The following TASP1 variants were observed in gnomAD, a reference collection of about 807,000 sequenced individuals.
TASP1 encodes threonine aspartase 1.
In TASP1, 16 loss-of-function variants were observed where a neutral mutation model predicts 56.6. The ratio of observed to expected loss-of-function variants is 0.28; its 90% CI spans 0.19 to 0.43. TASP1 has a LOEUF of 0.43. TASP1 is among the 20% of genes least tolerant of loss of function. TASP1 has a pLI of 1.00. For synonymous variants in TASP1, 179 were observed against 184.2 expected (o/e 0.97, Z 0.23); for missense variants, 393 against 511.6 (o/e 0.77, Z 2.24).
chr20:13,345,055 A>G, the TASP1 span, among the ~76,000 whole-genome samples: 1 of 152,188 alleles, frequency 6.6e-6, no homozygotes, highest in South Asian at 2.1e-4. Context: ...CACATTCACT[A>G]GGCTGGATGC....
chr20:13,274,420 C>G, the TASP1 span, among the ~76,000 whole-genome samples: 2 of 152,198 alleles, frequency 1.3e-5, no homozygotes, highest in African/African-American at 4.8e-5. Context: ...TCAGCTTCCG[C>G]TGCCAGGGCT....
At chr20:13,159,928 TC>T in the TASP1 span, 2 of 1,447,178 alleles carry the variant, frequency 1.4e-6, no homozygotes, top group South Asian at 3.2e-5. Flanking sequence ...TTAGCCATAT[TC>T]CTTTTTTGTC....
intron 4 of TASP1, among the ~76,000 whole-genome samples, chr20:13,602,847 A>C (rs2048012693): frequency 6.6e-6 from 1 of 152,156 alleles, no homozygotes; most frequent in Non-Finnish European, 1.5e-5. Context: ...GACTGATACC[A>C]GTCTGAGGCC....
chr20:13,426,108 A>G (rs1281441005), intron 12 of TASP1, among the ~76,000 whole-genome samples: 1 of 152,204 alleles, frequency 6.6e-6, no homozygotes, highest in East Asian at 1.9e-4. Context: ...AATAGTAACA[A>G]AAGTCCTGGA....
chr20:13,616,757 T>C (rs144546721), intron 4 of TASP1: 26 of 200,542 alleles, frequency 1.3e-4, no homozygotes, highest in African/African-American at 4.5e-4. Flanking sequence ...GATGTATCTA[T>C]GTGTAAACAC....
chr20:13,247,358 T>A, the TASP1 span, among the ~76,000 whole-genome samples: 1 of 152,218 alleles, frequency 6.6e-6, no homozygotes, highest in Admixed American at 6.5e-5. Context: ...TGTCTTTAAG[T>A]GTCAGCGTGT....
At chr20:13,589,997 CGAGGCAGGCAGATCACTT>C (rs2047461091) in intron 4 of TASP1, among the ~76,000 whole-genome samples, 1 of 152,010 alleles carries the variant, frequency 6.6e-6, no homozygotes, top group Non-Finnish European at 1.5e-5. Context: ...TTTGGGAGGC[CGAGGCAGGCAGATCACTT>C]GAGGCCAGGA....
the TASP1 span, among the ~76,000 whole-genome samples, chr20:13,148,936 A>C: frequency 6.6e-6 from 1 of 152,076 alleles, no homozygotes; most frequent in African/African-American, 2.4e-5. Context: ...TTCCCACATT[A>C]ATTTCTTGAT....
the TASP1 span, among the ~76,000 whole-genome samples, chr20:13,305,425 C>G: frequency 6.6e-6 from 1 of 152,114 alleles, no homozygotes; most frequent in Non-Finnish European, 1.5e-5. Flanking sequence ...AATTCCATCC[C>G]GACACACAAA....
intron 13 of TASP1, among the ~76,000 whole-genome samples, chr20:13,411,592 T>C (rs776828187): frequency 1.3e-5 from 2 of 152,208 alleles, no homozygotes; most frequent in Non-Finnish European, 2.9e-5. Context: ...TCATCATTGG[T>C]GTATAAAAAT....
intron 4 of TASP1, among the ~76,000 whole-genome samples, chr20:13,595,321 A>G (rs1196811716): frequency 1.3e-5 from 2 of 152,226 alleles, no homozygotes; most frequent in Admixed American, 6.5e-5. Flanking sequence ...GTATCAATTA[A>G]CGGCAAAATA....
chr20:13,599,695 T>C (rs1335087875), intron 4 of TASP1, among the ~76,000 whole-genome samples: 3 of 151,374 alleles, frequency 2.0e-5, no homozygotes, highest in African/African-American at 7.3e-5. Context: ...AAAATCAATG[T>C]AATTCACCAT....
the TASP1 span, among the ~76,000 whole-genome samples, chr20:13,143,701 G>T: frequency 6.6e-6 from 1 of 152,202 alleles, no homozygotes; most frequent in East Asian, 1.9e-4. Flanking sequence ...GAAACCAAAA[G>T]GTTTTAATTC....
intron 10 of TASP1, among the ~76,000 whole-genome samples, chr20:13,488,013 G>A (rs2043389460): frequency 6.6e-6 from 1 of 151,416 alleles, no homozygotes; most frequent in African/African-American, 2.4e-5. Context: ...AGTACAATAA[G>A]AAAAAGAAAC....
chr20:13,116,072 G>A, the TASP1 span, among the ~76,000 whole-genome samples: 5 of 152,114 alleles, frequency 3.3e-5, no homozygotes, highest in East Asian at 1.9e-4. Flanking sequence ...ATCTGAACTC[G>A]GCCATCCAAA....
the TASP1 span, among the ~76,000 whole-genome samples, chr20:13,327,943 A>C: frequency 2.0e-5 from 3 of 152,238 alleles, no homozygotes; most frequent in African/African-American, 7.2e-5. Context: ...AACAAAAGCA[A>C]AAATTGACAA....
the TASP1 span, among the ~76,000 whole-genome samples, chr20:13,364,920 ATT>A: frequency 6.8e-6 from 1 of 148,020 alleles, no homozygotes; most frequent in Non-Finnish European, 1.5e-5. Context: ...CCATTGAACT[ATT>A]TTTTTTTTTC....
the TASP1 span, among the ~76,000 whole-genome samples, chr20:13,107,261 G>A: frequency 1.3e-5 from 2 of 151,956 alleles, no homozygotes; most frequent in Non-Finnish European, 2.9e-5. Context: ...TCATCCTGAA[G>A]GTTGAGAACC....
At chr20:13,565,751 A>G (rs1351712755) in intron 7 of TASP1, among the ~76,000 whole-genome samples, 1 of 152,198 alleles carries the variant, frequency 6.6e-6, no homozygotes, top group Non-Finnish European at 1.5e-5. Context: ...TTGATAGAAC[A>G]TGAAATGGTG....
Sources: gnomAD v4.1 joint callset for allele counts (sites outside exome capture counted in the v4.1 genomes callset) on GRCh38, gnomAD v4.1.1 for gene constraint, MANE v1.5 for transcripts, NCBI Gene and HGNC (gene_info 2026-07-23, HGNC 2026-07-21) for gene names.